BCKDHB: variants seen among roughly 807,000 people sequenced by gnomAD.
BCKDHB encodes 2-oxoisovalerate dehydrogenase subunit beta, mitochondrial.
In BCKDHB, 41 loss-of-function variants were observed where a neutral mutation model predicts 48.5. The ratio of observed to expected loss-of-function variants is 0.85; its 90% CI spans 0.66 to 1.10. The LOEUF (loss-of-function observed/expected upper bound fraction) is 1.10, where lower values mean the gene tolerates loss of function less well. BCKDHB is among the 50% of genes least tolerant of loss of function. BCKDHB has a pLI of 0.00. For missense variants in BCKDHB, 496 were observed against 494.2 expected (o/e 1.00, Z -0.03); for synonymous variants, 201 against 174.8 (o/e 1.15, Z -1.18).
intron 8 of BCKDHB, among the ~76,000 whole-genome samples, chr6:80,235,016 AGG>A (rs904145853): frequency 2.6e-5 from 4 of 152,196 alleles, no homozygotes; most frequent in African/African-American, 9.6e-5. Context: ...AGCAAATAGT[AGG>A]GGGAGTGGAG....
chr6:80,200,844 C>G (rs557919362), intron 6 of BCKDHB, 90 bp from the exon 7 acceptor site: 28 of 1,036,048 alleles, frequency 2.7e-5, no homozygotes, highest in Non-Finnish European at 4.1e-5. Context: ...TAAAATAAAG[C>G]TTTGCTACAG....
chr6:80,409,418 A>C, the BCKDHB span, among the ~76,000 whole-genome samples: 1 of 151,286 alleles, frequency 6.6e-6, no homozygotes, highest in African/African-American at 2.4e-5. Flanking sequence ...AGCTGAGTTC[A>C]AATCTTGGAT....
the BCKDHB span, among the ~76,000 whole-genome samples, chr6:80,464,056 A>C: frequency 6.6e-6 from 1 of 151,910 alleles, no homozygotes; most frequent in African/African-American, 2.4e-5. Context: ...CCCACTTTCT[A>C]CCCGACCGAG....
At chr6:80,228,839 C>G (rs1288629066) in intron 8 of BCKDHB, among the ~76,000 whole-genome samples, 1 of 152,126 alleles carries the variant, frequency 6.6e-6, no homozygotes, top group Non-Finnish European at 1.5e-5. Context: ...TTGTTCTTCT[C>G]TCTGCTCGAT....
the BCKDHB span, among the ~76,000 whole-genome samples, chr6:80,357,556 T>TACACAGC: frequency 1.3e-5 from 2 of 152,182 alleles, no homozygotes; most frequent in African/African-American, 4.8e-5. Context: ...GAATAACCAG[T>TACACAGC]ACACAGCACC....
At chr6:80,327,410 A>C (rs1177391240) in intron 9 of BCKDHB, among the ~76,000 whole-genome samples, 1 of 152,210 alleles carries the variant, frequency 6.6e-6, no homozygotes, top group African/African-American at 2.4e-5. Context: ...TAAAATCAAA[A>C]AATTTTTAAG....
chr6:80,170,170 T>C (rs546165159), intron 5 of BCKDHB, among the ~76,000 whole-genome samples: 2 of 152,288 alleles, frequency 1.3e-5, no homozygotes, highest in South Asian at 4.1e-4. Context: ...TGGTTATTAA[T>C]GTGTTCAGAG....
chr6:80,437,919 A>AAGG, the BCKDHB span, among the ~76,000 whole-genome samples: 1 of 152,210 alleles, frequency 6.6e-6, no homozygotes, highest in Non-Finnish European at 1.5e-5. Context: ...TCTATGCTGC[A>AAGG]AATCCCCTTT....
chr6:80,423,892 T>G, the BCKDHB span, among the ~76,000 whole-genome samples: 11 of 152,330 alleles, frequency 7.2e-5, no homozygotes, highest in Non-Finnish European at 1.5e-4. Context: ...CCAGGAGTTT[T>G]CAGTATCTGG....
chr6:80,122,976 C>T (rs535970548), intron 1 of BCKDHB, among the ~76,000 whole-genome samples: 5 of 146,396 alleles, frequency 3.4e-5, no homozygotes, highest in African/African-American at 1.0e-4. Context: ...CCCTCCCCCC[C>T]GGCCCCCCCA....
chr6:80,358,356 T>G, the BCKDHB span, among the ~76,000 whole-genome samples: 1 of 152,200 alleles, frequency 6.6e-6, no homozygotes, highest in Admixed American at 6.5e-5. Context: ...TATGAGTTGT[T>G]ACTTTTTTAA....
chr6:80,255,052 A>G (rs2127941364), intron 8 of BCKDHB, among the ~76,000 whole-genome samples: 1 of 152,316 alleles, frequency 6.6e-6, no homozygotes, highest in South Asian at 2.1e-4. Context: ...AGGAGTGTTC[A>G]TTGTTTAAAA....
chr6:80,296,406 C>A (rs1362728148), intron 9 of BCKDHB, among the ~76,000 whole-genome samples: 1 of 152,126 alleles, frequency 6.6e-6, no homozygotes, highest in Non-Finnish European at 1.5e-5. Context: ...TACAGTTATT[C>A]ATATTGGAAT....
chr6:80,152,328 G>T (rs1771825414), intron 3 of BCKDHB, among the ~76,000 whole-genome samples: 1 of 152,108 alleles, frequency 6.6e-6, no homozygotes, highest in African/African-American at 2.4e-5. Context: ...TTTAATAAAA[G>T]ATAGAAGACT....
At chr6:80,359,340 A>G in the BCKDHB span, among the ~76,000 whole-genome samples, 40,803 of 151,896 alleles carry the variant, frequency 0.27, 5,973 homozygotes, top group Non-Finnish European at 0.34. Context: ...AAAAACCTCT[A>G]AAGGCCTTGG....
At chr6:80,189,859 T>C (rs1252075812) in intron 6 of BCKDHB, among the ~76,000 whole-genome samples, 1 of 152,164 alleles carries the variant, frequency 6.6e-6, no homozygotes, top group African/African-American at 2.4e-5. Flanking sequence ...CTCTCAGTGT[T>C]GAACTTGAAT....
At chr6:80,396,935 C>A in the BCKDHB span, among the ~76,000 whole-genome samples, 1 of 152,082 alleles carries the variant, frequency 6.6e-6, no homozygotes, top group Non-Finnish European at 1.5e-5. Context: ...CCTATGATTG[C>A]TCATATTTCA....
At chr6:80,272,108 A>G (rs934910722) in intron 8 of BCKDHB, among the ~76,000 whole-genome samples, 1 of 152,118 alleles carries the variant, frequency 6.6e-6, no homozygotes, top group Non-Finnish European at 1.5e-5. Context: ...TTTATGTTCT[A>G]AAGTCACTAT....
chr6:80,106,669 C>G, upstream of BCKDHB: 2 of 1,548,398 alleles, frequency 1.3e-6, no homozygotes, highest in Non-Finnish European at 1.7e-6. Context: ...GCTGCATAGC[C>G]TGAGAATCCC....
Sources: allele counts gnomAD v4.1 joint callset (sites outside exome capture counted in the v4.1 genomes callset), GRCh38; gene constraint gnomAD v4.1.1; transcripts MANE v1.5; gene names NCBI Gene and HGNC (gene_info 2026-07-23, HGNC 2026-07-21).